SCN1A: variants seen among roughly 807,000 people sequenced by gnomAD.
SCN1A encodes the protein sodium voltage-gated channel alpha subunit 1.
SCN1A carries 13 observed loss-of-function variants against 193.7 expected under a neutral mutation model. The ratio of observed to expected loss-of-function variants is 0.07; its 90% CI spans 0.04 to 0.11. The LOEUF (loss-of-function observed/expected upper bound fraction) is 0.11. SCN1A is among the 10% of genes least tolerant of loss of function. SCN1A has a pLI of 1.00. For synonymous variants in SCN1A, 781 were observed against 843.6 expected (o/e 0.93, Z 1.29); for missense variants, 1,432 against 2,451.1 (o/e 0.58, Z 8.78).
chr2:166,040,633 A>G (rs530779252), intron 16 of SCN1A, among the ~76,000 whole-genome samples: 24 of 152,338 alleles, frequency 1.6e-4, no homozygotes, highest in African/African-American at 5.5e-4. Context: ...TTGACTGGCA[A>G]ACACTTTAAT....
intron 4 of SCN1A, among the ~76,000 whole-genome samples, chr2:166,069,013 G>A (rs1337181613): frequency 6.6e-6 from 1 of 152,186 alleles, no homozygotes; most frequent in East Asian, 1.9e-4. Context: ...GAATTTGAAT[G>A]TAGGGCCAAA....
chr2:165,997,952 T>C, intron 26 of SCN1A, 86 bp downstream of exon 26: 1 of 1,093,798 alleles, frequency 9.1e-7, no homozygotes, highest in Non-Finnish European at 1.4e-6. Flanking sequence ...ATTTTGTTTC[T>C]AAATTCAAGT....
intron 6 of SCN1A, 119 bp from the exon 7 acceptor site, chr2:166,054,885 AT>A (rs1698974248): frequency 3.4e-6 from 3 of 892,966 alleles, no homozygotes; most frequent in Admixed American, 2.6e-5. Context: ...AAGCAGATGG[AT>A]TTTAATTTCA....
upstream of SCN1A, among the ~76,000 whole-genome samples, chr2:166,131,973 T>C (rs1474626275): frequency 2.6e-5 from 4 of 152,212 alleles, no homozygotes; most frequent in African/African-American, 9.7e-5. Context: ...GAAATGTTTC[T>C]AAATTCCCCT....
chr2:166,069,366 A>G (rs1684178612), intron 4 of SCN1A, among the ~76,000 whole-genome samples: 1 of 152,220 alleles, frequency 6.6e-6, no homozygotes. Flanking sequence ...AGTTACTACT[A>G]CAATATTACT....
intron 23 of SCN1A, among the ~76,000 whole-genome samples, chr2:166,008,190 A>C (rs1364920202): frequency 6.6e-6 from 1 of 151,290 alleles, no homozygotes; most frequent in Non-Finnish European, 1.5e-5. Flanking sequence ...AGATATGGTT[A>C]TTTCTGAGAA....
At chr2:166,117,439 T>C (rs1689989996) in intron 2 of SCN1A, among the ~76,000 whole-genome samples, 1 of 152,244 alleles carries the variant, frequency 6.6e-6, no homozygotes. Flanking sequence ...GCTTTAATTT[T>C]ATTCATTTAT....
intron 2 of SCN1A, among the ~76,000 whole-genome samples, chr2:166,078,269 AATAC>A (rs1333888896): frequency 6.6e-6 from 1 of 151,784 alleles, no homozygotes; most frequent in Non-Finnish European, 1.5e-5. Flanking sequence ...CTTTGATTCT[AATAC>A]ATATAATATA....
intron 1 of SCN1A, among the ~76,000 whole-genome samples, chr2:166,134,207 A>C (rs1269113628): frequency 6.6e-6 from 1 of 152,184 alleles, no homozygotes; most frequent in African/African-American, 2.4e-5. Flanking sequence ...AAGTGTTCTT[A>C]TTTTGGATAT....
rs1355807621 is a variant in SCN1A at position 165,999,999 on chromosome 2, T to A, written c.4285-223A>T. The stretch of plus-strand genomic sequence containing the variant: ...GCCATTTGATATATCCTCCCCTTGA[T>A]AACCAACTCACAAGCACTTTTCAAT... On this transcript the variant is annotated intron_variant, in intron 24 of 28. Coordinates refer to ENST00000674923, the MANE Select transcript of SCN1A (RefSeq NM_001165963.4). 9 of 561,896 alleles carry A rather than the reference T, an allele frequency of 1.6e-5. No homozygotes were observed. The East Asian group carries it at 2.4e-4, about 15-fold the overall frequency. The allele number at this position is 561,896 out of a possible 1,614,324, so 34.8% of individuals were successfully genotyped here.
intron 16 of SCN1A, 135 bp downstream of exon 16, chr2:166,041,096 T>C (rs1697108348): frequency 1.3e-6 from 1 of 741,864 alleles, no homozygotes; most frequent in Admixed American, 2.0e-5. Flanking sequence ...TATAGCCAGC[T>C]AAATATAATT....
chr2:166,093,615 T>C (rs1363592314), intron 2 of SCN1A, among the ~76,000 whole-genome samples: 1 of 152,194 alleles, frequency 6.6e-6, no homozygotes, highest in East Asian at 1.9e-4. Flanking sequence ...AGTGCTGGGA[T>C]TACAGGCGTG....
chr2:166,006,717 C>A (rs1002925437), intron 23 of SCN1A, among the ~76,000 whole-genome samples: 2 of 151,224 alleles, frequency 1.3e-5, no homozygotes, highest in Admixed American at 1.3e-4. Context: ...TGAGAGTGGT[C>A]ACAATCAATA....
intron 2 of SCN1A, among the ~76,000 whole-genome samples, chr2:166,125,501 A>G (rs1468415608): frequency 2.0e-5 from 3 of 152,116 alleles, no homozygotes; most frequent in Non-Finnish European, 4.4e-5. Flanking sequence ...TAGAGGTAAC[A>G]CCAAGCAAGC....
intron 1 of SCN1A, among the ~76,000 whole-genome samples, chr2:166,143,326 C>T (rs1322214126): frequency 6.6e-6 from 1 of 151,940 alleles, no homozygotes; most frequent in Admixed American, 6.6e-5. Flanking sequence ...GCCACCACGC[C>T]CGGCTAATTT....
In SCN1A at chr2:166,002,770, A is replaced by G; in HGVS notation, c.4003-17T>C. The G allele has an allele frequency of 6.3e-7, 1 of 1,595,138 alleles. No individual in the cohort carries two copies. The highest frequency in any genetic ancestry group is 8.5e-7 in the Non-Finnish European group (1 of 1,173,240). ...CACAACCACCTAATACACAAATGGA[A>G]AAAAAGAAAAGTCAGAATTCTTATC... On this transcript the variant is annotated splice_polypyrimidine_tract_variant and intron_variant, in intron 23 of 28. Coordinates refer to ENST00000674923, the MANE Select transcript of SCN1A (RefSeq NM_001165963.4).
intron 4 of SCN1A, among the ~76,000 whole-genome samples, chr2:166,059,038 A>G (rs1683000451): frequency 1.3e-5 from 2 of 152,138 alleles, no homozygotes; most frequent in Non-Finnish European, 2.9e-5. Flanking sequence ...AACTTAAGGC[A>G]CTACATGCTT....
intron 19 of SCN1A, among the ~76,000 whole-genome samples, chr2:166,033,102 A>G (rs1393440390): frequency 2.0e-5 from 3 of 152,164 alleles, no homozygotes; most frequent in Non-Finnish European, 4.4e-5. Flanking sequence ...CTAAAATATG[A>G]TAGTACTTTG....
At chr2:166,028,040 A>T (rs1306786101) in intron 19 of SCN1A, among the ~76,000 whole-genome samples, 1 of 152,182 alleles carries the variant, frequency 6.6e-6, no homozygotes, top group Admixed American at 6.6e-5. Flanking sequence ...GTGATTATTC[A>T]TATTTACAGA....
Sources: gnomAD v4.1 joint callset for allele counts (sites outside exome capture counted in the v4.1 genomes callset) on GRCh38, gnomAD v4.1.1 for gene constraint, MANE v1.5 for transcripts, NCBI Gene and HGNC (gene_info 2026-07-23, HGNC 2026-07-21) for gene names.